OTOA: variants seen among roughly 807,000 people sequenced by gnomAD.
OTOA encodes otoancorin, also known as cancer/testis antigen 108.
Under a neutral mutation model 110.8 loss-of-function variants are expected in OTOA, and 70 were observed. The ratio of observed to expected loss-of-function variants is 0.63; its 90% CI spans 0.52 to 0.77. The LOEUF is 0.77. Ranked by LOEUF, OTOA falls within the 30% of genes least tolerant of loss-of-function variation. The pLI is 0.00. For synonymous variants in OTOA, 373 were observed against 431.5 expected, an observed-to-expected ratio of 0.86 and a Z score of 1.68; for missense variants, 917 against 1,075.8, an observed-to-expected ratio of 0.85 and a Z score of 2.06.
chr16:21,667,613 A>C (rs1459850083), intron 1 of OTOA, among the ~76,000 whole-genome samples: 4 of 151,742 alleles, frequency 2.6e-5, no homozygotes, highest in Non-Finnish European at 4.4e-5. Flanking sequence ...AAAAAAAAAA[A>C]CAATTAAATA....
At chr16:21,717,197 C>T in intron 15 of OTOA, 150 bp downstream of exon 15, 1 of 1,165,398 alleles carries the variant, frequency 8.6e-7, no homozygotes, top group Non-Finnish European at 1.2e-6. Context: ...AGAATTTGGA[C>T]AGGCTGAGGC....
intron 1 of OTOA, among the ~76,000 whole-genome samples, chr16:21,667,058 G>T (rs548750440): frequency 1.3e-5 from 2 of 152,238 alleles, no homozygotes; most frequent in Admixed American, 6.5e-5. Flanking sequence ...AAGGGTCAAA[G>T]GTTCCCCAAA....
intron 21 of OTOA, among the ~76,000 whole-genome samples, chr16:21,731,230 G>A (rs1422770063): frequency 2.0e-5 from 3 of 152,176 alleles, no homozygotes; most frequent in Non-Finnish European, 4.4e-5. Flanking sequence ...GTCTGTTCTG[G>A]CTCTCACACT....
intron 1 of OTOA, among the ~76,000 whole-genome samples, chr16:21,675,148 T>C (rs1328286828): frequency 6.8e-6 from 1 of 147,994 alleles, no homozygotes; most frequent in Non-Finnish European, 1.5e-5. Context: ...TCTTTCTTTT[T>C]CTTTCTCTCT....
chr16:21,754,722 AAAAG>A (rs1373591546), intron 27 of OTOA, among the ~76,000 whole-genome samples: 1 of 27,654 alleles, frequency 3.6e-5, no homozygotes, highest in African/African-American at 1.1e-4. Context: ...CAAAAAAAAA[AAAAG>A]AAAGCCAACC....
intron 20 of OTOA, chr16:21,730,495 T>G: frequency 3.0e-6 from 1 of 336,716 alleles, no homozygotes; most frequent in Non-Finnish European, 5.7e-6. Flanking sequence ...TCTCAAATGA[T>G]ATCTTCAGGA....
At chr16:21,698,889 C>G (rs970547038) in intron 10 of OTOA, among the ~76,000 whole-genome samples, 3 of 152,098 alleles carry the variant, frequency 2.0e-5, no homozygotes, top group Non-Finnish European at 2.9e-5. Flanking sequence ...ACTTTTTATT[C>G]GCTAAAAATG....
At chr16:21,694,581 G>A (rs1897895067) in intron 9 of OTOA, among the ~76,000 whole-genome samples, 1 of 152,156 alleles carries the variant, frequency 6.6e-6, no homozygotes, top group Non-Finnish European at 1.5e-5. Flanking sequence ...GACCTCTCAA[G>A]TGGGTGACAT....
At chr16:21,735,304 G>A (rs1285481759) in intron 21 of OTOA, among the ~76,000 whole-genome samples, 3 of 151,960 alleles carry the variant, frequency 2.0e-5, no homozygotes, top group Admixed American at 6.6e-5. Flanking sequence ...TTACTTGGCC[G>A]ACACAGGAGC....
At chr16:21,696,960 G>A (rs1160985911) in intron 9 of OTOA, among the ~76,000 whole-genome samples, 1 of 19,644 alleles carries the variant, frequency 5.1e-5, no homozygotes, top group Admixed American at 2.1e-4. Context: ...GTGCAGTAGA[G>A]TGAGCTGTAG....
At chr16:21,695,889 A>ATTTTTTTTTTTTTTT (rs1213474615) in intron 9 of OTOA, among the ~76,000 whole-genome samples, 3 of 63,644 alleles carry the variant, frequency 4.7e-5, no homozygotes, top group Non-Finnish European at 5.3e-5. Flanking sequence ...ATATATATAT[A>ATTTTTTTTTTTTTTT]TATTTTTTTT....
At chr16:21,667,479 C>T (rs373399883) in intron 1 of OTOA, among the ~76,000 whole-genome samples, 6 of 151,950 alleles carry the variant, frequency 3.9e-5, no homozygotes, top group East Asian at 1.9e-4. Flanking sequence ...ACGGCGAAAC[C>T]CTGTCTCTAC....
chr16:21,753,375 G>C (rs1385273250), intron 27 of OTOA, among the ~76,000 whole-genome samples: 1 of 78,070 alleles, frequency 1.3e-5, no homozygotes, highest in African/African-American at 4.3e-5. Flanking sequence ...TCTACTTATG[G>C]TGGTATGACA....
At chr16:21,678,766 C>T (rs576715493) in intron 2 of OTOA, 149 bp from the exon 3 acceptor site, 24 of 1,220,176 alleles carry the variant, frequency 2.0e-5, no homozygotes, top group Middle Eastern at 3.8e-4. Context: ...TTTCAAGCCA[C>T]GGTTTTCTCA....
At chr16:21,695,073 G>A (rs1897903858) in intron 9 of OTOA, among the ~76,000 whole-genome samples, 1 of 152,116 alleles carries the variant, frequency 6.6e-6, no homozygotes, top group South Asian at 2.1e-4. Context: ...AGGCCCTTGA[G>A]GGAACTGGAA....
At chr16:21,716,167 C>CTGGGATTACAGG (rs142955746) in intron 14 of OTOA, among the ~76,000 whole-genome samples, 2,737 of 152,266 alleles carry the variant, frequency 0.018, 101 homozygotes, top group African/African-American at 0.062. Context: ...TCCTACAGTG[C>CTGGGATTACAGG]TGGGATTACA....
chr16:21,721,815 C>A (rs1176578569), intron 17 of OTOA, among the ~76,000 whole-genome samples: 1 of 152,016 alleles, frequency 6.6e-6, no homozygotes, highest in African/African-American at 2.4e-5. Flanking sequence ...TCACTTGAAC[C>A]TGGGAGTTCA....
At chr16:21,722,809 G>A (rs1419984270) in intron 17 of OTOA, 96 bp from the exon 18 acceptor site, 11 of 1,096,290 alleles carry the variant, frequency 1.0e-5, no homozygotes, top group Admixed American at 1.7e-5. Context: ...AAATGAACAC[G>A]TATGAAGCAC....
intron 17 of OTOA, 141 bp downstream of exon 17, chr16:21,719,645 G>GT: frequency 2.4e-6 from 2 of 817,892 alleles, no homozygotes; most frequent in Non-Finnish European, 2.1e-6. Flanking sequence ...ATTGAGCCAG[G>GT]TTTTTTCCAG....
Sources: allele counts gnomAD v4.1 joint callset (sites outside exome capture counted in the v4.1 genomes callset), GRCh38; gene constraint gnomAD v4.1.1; transcripts MANE v1.5; gene names NCBI Gene and HGNC (gene_info 2026-07-23, HGNC 2026-07-21).